The following COL23A1 variants were observed in gnomAD, a reference collection of about 807,000 sequenced individuals.
COL23A1 encodes the protein collagen type XXIII alpha 1 chain.
Under a neutral mutation model 99.3 loss-of-function variants are expected in COL23A1, and 97 were observed. That is an observed-to-expected ratio of 0.98 (90% CI 0.83 to 1.16). The LOEUF is 1.16. COL23A1 is among the 50% of genes most tolerant of loss of function. COL23A1 has a pLI of 0.00. For synonymous variants in COL23A1, 320 were observed against 308.2 expected, an observed-to-expected ratio of 1.04 and a Z score of -0.40; for missense variants, 762 against 757.4, an observed-to-expected ratio of 1.01 and a Z score of -0.07.
chr5:178,291,568 C>T (rs1213250069), intron 3 of COL23A1, among the ~76,000 whole-genome samples: 2 of 152,096 alleles, frequency 1.3e-5, no homozygotes, highest in African/African-American at 2.4e-5. Flanking sequence ...GCGGGAGGGC[C>T]GGAGAAGGCA....
At chr5:178,496,660 A>G (rs2127978518) in intron 2 of COL23A1, among the ~76,000 whole-genome samples, 1 of 152,374 alleles carries the variant, frequency 6.6e-6, no homozygotes, top group East Asian at 1.9e-4. Flanking sequence ...AGTAGAAATC[A>G]TGACTATGAC....
At chr5:178,469,356 C>T (rs913933753) in intron 2 of COL23A1, among the ~76,000 whole-genome samples, 4 of 152,160 alleles carry the variant, frequency 2.6e-5, no homozygotes, top group African/African-American at 4.8e-5. Context: ...GGCTCCTCTC[C>T]CGTCCATCCC....
intron 2 of COL23A1, among the ~76,000 whole-genome samples, chr5:178,546,563 A>G (rs1461340356): frequency 6.6e-6 from 1 of 152,178 alleles, no homozygotes; most frequent in Non-Finnish European, 1.5e-5. Flanking sequence ...GGGCCGTCCC[A>G]GGGCCTGGCT....
At chr5:178,585,870 G>A (rs1422265429) in intron 1 of COL23A1, among the ~76,000 whole-genome samples, 2 of 152,332 alleles carry the variant, frequency 1.3e-5, no homozygotes, top group South Asian at 2.1e-4. Flanking sequence ...CTCCTATGGC[G>A]ATCGCATTAC....
intron 2 of COL23A1, among the ~76,000 whole-genome samples, chr5:178,437,808 A>C (rs1212359134): frequency 6.6e-6 from 1 of 152,172 alleles, no homozygotes; most frequent in Non-Finnish European, 1.5e-5. Context: ...GGAGTCAAGA[A>C]GCAAACCCAG....
chr5:178,443,523 C>T (rs899509727), intron 2 of COL23A1, among the ~76,000 whole-genome samples: 24 of 152,296 alleles, frequency 1.6e-4, no homozygotes, highest in African/African-American at 5.5e-4. Flanking sequence ...TGCAGAGGCA[C>T]GATCTCGGCT....
At chr5:178,358,046 GTATGTCTAA>G (rs1393521187) in intron 2 of COL23A1, among the ~76,000 whole-genome samples, 3 of 150,372 alleles carry the variant, frequency 2.0e-5, no homozygotes, top group South Asian at 2.1e-4. Context: ...GTATGTGTAT[GTATGTCTAA>G]TGTATGTGTA....
intron 2 of COL23A1, among the ~76,000 whole-genome samples, chr5:178,343,665 T>TATA (rs33971412): frequency 1.6e-3 from 18 of 11,066 alleles, no homozygotes; most frequent in Admixed American, 2.5e-3. Flanking sequence ...ATATATATAT[T>TATA]TTTTTTTTTT....
chr5:178,474,815 G>A (rs1284363470), intron 2 of COL23A1, among the ~76,000 whole-genome samples: 1 of 152,232 alleles, frequency 6.6e-6, no homozygotes, highest in East Asian at 1.9e-4. Context: ...ACAGGAGGCG[G>A]GGAGCGGATA....
chr5:178,342,682 C>T (rs1411065193), intron 2 of COL23A1, among the ~76,000 whole-genome samples: 1 of 152,150 alleles, frequency 6.6e-6, no homozygotes, highest in African/African-American at 2.4e-5. Flanking sequence ...AGGATAATGC[C>T]TCATCCCAAT....
chr5:178,311,484 C>G (rs978168983), intron 2 of COL23A1, among the ~76,000 whole-genome samples: 4 of 58,128 alleles, frequency 6.9e-5, no homozygotes, highest in African/African-American at 2.4e-4. Context: ...GTTCTTTCCT[C>G]TGTGTGTGTG....
intron 5 of COL23A1, among the ~76,000 whole-genome samples, chr5:178,279,275 C>T (rs1014794288): frequency 6.6e-5 from 10 of 152,212 alleles, no homozygotes; most frequent in East Asian, 1.9e-4. Flanking sequence ...CTCCCGCCCC[C>T]GCCAGTTTCT....
intron 2 of COL23A1, among the ~76,000 whole-genome samples, chr5:178,486,720 G>A (rs1757651589): frequency 6.6e-6 from 1 of 152,202 alleles, no homozygotes; most frequent in Non-Finnish European, 1.5e-5. Context: ...GCGTACTTCA[G>A]ACATGCCAAG....
At chr5:178,323,223 C>T (rs780098340) in intron 2 of COL23A1, among the ~76,000 whole-genome samples, 10 of 152,112 alleles carry the variant, frequency 6.6e-5, no homozygotes, top group Non-Finnish European at 1.0e-4. Flanking sequence ...GCAGGGCCCT[C>T]GCTGGCCTGT....
chr5:178,473,262 G>C (rs1214483497), intron 2 of COL23A1, among the ~76,000 whole-genome samples: 1 of 152,046 alleles, frequency 6.6e-6, no homozygotes, highest in South Asian at 2.1e-4. Context: ...AAGTATGAGG[G>C]AGGATGTACT....
intron 2 of COL23A1, among the ~76,000 whole-genome samples, chr5:178,507,775 C>T (rs557036685): frequency 4.1e-4 from 62 of 152,152 alleles, no homozygotes; most frequent in African/African-American, 1.4e-3. Flanking sequence ...CATCAGATTT[C>T]GGAAAGTGGA....
chr5:178,528,228 T>C (rs1000719245), intron 2 of COL23A1, among the ~76,000 whole-genome samples: 5 of 152,178 alleles, frequency 3.3e-5, no homozygotes, highest in African/African-American at 9.7e-5. Context: ...TTAGCCCTCA[T>C]TAAAGCTCTT....
intron 2 of COL23A1, among the ~76,000 whole-genome samples, chr5:178,349,645 T>A (rs183226921): frequency 6.6e-6 from 1 of 152,214 alleles, no homozygotes; most frequent in East Asian, 1.9e-4. Context: ...TTTTTTTTTG[T>A]CTTCTGTCTC....
At position 178,371,447 on chromosome 5, in the gene COL23A1, C is replaced by A. The variant is rs375766121; in HGVS notation, c.362-64528G>T. Among the ~76,000 whole-genome samples the A allele has an allele frequency of 3.4e-4, 52 of 152,306 alleles. No individual in the cohort carries two copies. The East Asian group carries it at 6.8e-3, about 20-fold the overall frequency. On this transcript the variant is annotated intron_variant, in intron 2 of 28. Coordinates refer to ENST00000390654, the MANE Select transcript of COL23A1 (RefSeq NM_173465.4). ...CAGCTCTGGGGTCGGATGGGCCTCG[C>A]GGGCTTGGTTCCAGCTGAGACTCCG...
Sources: allele counts gnomAD v4.1 joint callset (sites outside exome capture counted in the v4.1 genomes callset), GRCh38; gene constraint gnomAD v4.1.1; transcripts MANE v1.5; gene names NCBI Gene and HGNC (gene_info 2026-07-23, HGNC 2026-07-21).